The following CGGBP1 variants were observed in gnomAD, a reference collection of about 807,000 sequenced individuals.
CGGBP1 encodes CGG triplet repeat-binding protein 1.
Under a neutral mutation model 11.4 loss-of-function variants are expected in CGGBP1, and 4 were observed. The observed-to-expected ratio is 0.35, with a 90% CI of 0.17 to 0.80. The LOEUF (loss-of-function observed/expected upper bound fraction) is 0.80, where lower values mean the gene tolerates loss of function less well. Among genes scored for constraint, CGGBP1 ranks in the 30% least tolerant of loss-of-function variants. The pLI is 0.52. For missense variants in CGGBP1, 135 were observed against 202.1 expected, an observed-to-expected ratio of 0.67 and a Z score of 2.01; for synonymous variants, 76 against 74.1, an observed-to-expected ratio of 1.03 and a Z score of -0.13.
intron 2 of CGGBP1, among the ~76,000 whole-genome samples, chr3:88,072,705 G>A (rs1209785568): frequency 6.6e-6 from 1 of 151,898 alleles, no homozygotes; most frequent in Non-Finnish European, 1.5e-5. Flanking sequence ...TATATTTAAA[G>A]GTACTTAACA....
chr3:88,103,150 C>A (rs754301561), intron 2 of CGGBP1, among the ~76,000 whole-genome samples: 2 of 151,992 alleles, frequency 1.3e-5, no homozygotes, highest in African/African-American at 2.4e-5. Context: ...TTTCAAAAAC[C>A]AGAAATTACA....
At chr3:88,104,872 C>T (rs1704638033) in intron 2 of CGGBP1, among the ~76,000 whole-genome samples, 1 of 152,254 alleles carries the variant, frequency 6.6e-6, no homozygotes, top group African/African-American at 2.4e-5. Flanking sequence ...GGCACAGTGG[C>T]TTACGCCTGT....
rs764307618 is a variant in CGGBP1 at position 88,139,282 on chromosome 3, T to G, written c.-229+1688A>C. The G allele has an allele frequency of 1.0e-5, 16 of 1,560,726 alleles. No individual in the cohort carries two copies. The South Asian group carries it at 2.0e-4, about 20-fold the overall frequency. ...CTTACAGCTCTCAGTACTTCCAAAGTAGATCACAATGTCCCAAGGCATCGT... is the reference window on the plus strand; with the variant it reads ...CTTACAGCTCTCAGTACTTCCAAAGGAGATCACAATGTCCCAAGGCATCGT... On this transcript the variant is annotated intron_variant, in intron 2 of 3. Transcript: ENST00000462901.
intron 2 of CGGBP1, chr3:88,139,349 A>C: frequency 6.2e-7 from 1 of 1,610,984 alleles, no homozygotes; most frequent in Non-Finnish European, 8.5e-7. Context: ...GTCACATTGT[A>C]AGGCATGCCC....
chr3:88,089,191 T>TAAA (rs11328694), intron 2 of CGGBP1, among the ~76,000 whole-genome samples: 3 of 131,220 alleles, frequency 2.3e-5, no homozygotes, highest in African/African-American at 5.7e-5. Flanking sequence ...GCTTACGTAT[T>TAAA]AAAAAAAAAA....
chr3:88,092,637 C>T (rs1026200441), intron 2 of CGGBP1, among the ~76,000 whole-genome samples: 3 of 152,100 alleles, frequency 2.0e-5, no homozygotes, highest in African/African-American at 7.2e-5. Flanking sequence ...TTTTGATTTA[C>T]ATCATGACTT....
intron 2 of CGGBP1, among the ~76,000 whole-genome samples, chr3:88,119,743 A>AT (rs1201879548): frequency 6.6e-6 from 1 of 152,112 alleles, no homozygotes; most frequent in Non-Finnish European, 1.5e-5. Context: ...CTGTGTTAGG[A>AT]TGATGACAGT....
At chr3:88,140,075 TATAGACCACCTTA>T in intron 2 of CGGBP1, 1 of 1,613,840 alleles carries the variant, frequency 6.2e-7, no homozygotes, top group Non-Finnish European at 8.5e-7. Flanking sequence ...CTCAACATTT[TATAGACCACCTTA>T]ATAGACATAG....
chr3:88,118,654 C>T (rs528338070), intron 2 of CGGBP1, among the ~76,000 whole-genome samples: 2 of 152,276 alleles, frequency 1.3e-5, no homozygotes, highest in African/African-American at 4.8e-5. Flanking sequence ...TTGGTAGTCA[C>T]AACAACCTTT....
intron 2 of CGGBP1, among the ~76,000 whole-genome samples, chr3:88,072,947 G>T (rs184939599): frequency 2.1e-5 from 3 of 145,930 alleles, no homozygotes; most frequent in African/African-American, 7.5e-5. Flanking sequence ...GATGAAATAG[G>T]ATTTGACTTG....
In CGGBP1 at chr3:88,053,451, T is replaced by C. The variant is rs534776744; in HGVS notation, c.*2022A>G. Reference sequence around the variant, plus strand: ...TACATTAAGATATATAAAATTTAAGTGATTATCAAATCAGTAGTAACTACT... The same window carrying C: ...TACATTAAGATATATAAAATTTAAGCGATTATCAAATCAGTAGTAACTACT... On this transcript the variant is annotated 3_prime_UTR_variant, in exon 4 of 4. Coordinates refer to ENST00000482016, the MANE Select transcript of CGGBP1 (RefSeq NM_001008390.2). The C allele has an allele frequency of 1.3e-5, 2 of 152,250 alleles. No homozygotes were observed. The highest frequency in any genetic ancestry group is 2.9e-5 in the Non-Finnish European group (2 of 67,960). 9.4% of individuals were successfully genotyped at this position (152,250 alleles called of 1,614,324 possible).
intron 2 of CGGBP1, among the ~76,000 whole-genome samples, chr3:88,099,312 C>T (rs181099723): frequency 3.9e-5 from 6 of 152,314 alleles, no homozygotes; most frequent in Admixed American, 3.9e-4. Flanking sequence ...CTGCAAATCA[C>T]TGCTCAACAA....
At chr3:88,101,259 C>T (rs1704405431) in intron 2 of CGGBP1, among the ~76,000 whole-genome samples, 1 of 152,164 alleles carries the variant, frequency 6.6e-6, no homozygotes, top group Admixed American at 6.6e-5. Flanking sequence ...AAAGCTCCCT[C>T]ATGCTCATTT....
At chr3:88,107,646 C>A (rs1035443164) in intron 2 of CGGBP1, among the ~76,000 whole-genome samples, 1 of 152,082 alleles carries the variant, frequency 6.6e-6, no homozygotes, top group Non-Finnish European at 1.5e-5. Context: ...TTCCTTAACT[C>A]TTGCTTCTTG....
chr3:88,130,429 C>G lies in CGGBP1; in HGVS notation c.-229+10541G>C, dbSNP rs1319382146. 4.6e-5 allele frequency among the ~76,000 whole-genome samples: 7 copies of G among 151,964 alleles called. No individual in the cohort carries two copies. In the South Asian group the frequency reaches 8.3e-4, roughly 18 times the overall value. On this transcript the variant is annotated intron_variant, in intron 2 of 3. Coordinates refer to the CGGBP1 transcript ENST00000462901. ...CATATAGCTGCAAATCATAATACTT[C>G]AATATTCTTGGTTATTTTTTGTTTT...
chr3:88,110,324 C>G (rs1434910500), intron 2 of CGGBP1, among the ~76,000 whole-genome samples: 1 of 151,994 alleles, frequency 6.6e-6, no homozygotes, highest in East Asian at 1.9e-4. Flanking sequence ...AGGCTGTCTG[C>G]CTATAATAGG....
Position 88,055,298 on chromosome 3 carries a change from A to T in CGGBP1, c.*175T>A. On this transcript the variant is annotated 3_prime_UTR_variant, in exon 4 of 4. Transcript: ENST00000482016. The surrounding 1 kb of genome is among the most constrained non-coding windows in gnomAD (Gnocchi z 4.2). ...CTTTATACCATTGGTGACTAAAATT[A>T]ACAATAAGTTTTGCAGTGAGGTGGT... 1 of 523,392 alleles carries T rather than the reference A, an allele frequency of 1.9e-6. No individual in the cohort carries two copies. Among genetic ancestry groups the T allele is most frequent in the Non-Finnish European group, 3.1e-6 (1 of 319,626 alleles). The allele number at this position is 523,392 out of a possible 1,614,324, so 32.4% of individuals were successfully genotyped here. A position where few individuals can be genotyped will look rare whatever the true frequency, so the allele number is the denominator to read the frequency against.
chr3:88,116,661 C>A (rs1457327729), intron 2 of CGGBP1, among the ~76,000 whole-genome samples: 1 of 151,368 alleles, frequency 6.6e-6, no homozygotes, highest in Non-Finnish European at 1.5e-5. Flanking sequence ...TTCATGAGAG[C>A]ATTCTTCCCA....
upstream of CGGBP1, chr3:88,059,156 G>T: frequency 7.5e-7 from 1 of 1,328,688 alleles, no homozygotes; most frequent in Non-Finnish European, 9.9e-7. Context: ...AAAAACTGGG[G>T]GCGTGGGTGG....
Sources: allele counts gnomAD v4.1 joint callset (sites outside exome capture counted in the v4.1 genomes callset), GRCh38; gene constraint gnomAD v4.1.1; non-coding constraint Gnocchi (gnomAD v3.1); transcripts MANE v1.5; gene names NCBI Gene and HGNC (gene_info 2026-07-23, HGNC 2026-07-21).